The following RNF115 variants were observed in gnomAD, a reference collection of about 807,000 sequenced individuals.
RNF115 encodes ring finger protein 115, also known as E3 ubiquitin-protein ligase RNF115.
In RNF115, 31 loss-of-function variants were observed where a neutral mutation model predicts 39.2. The observed-to-expected ratio is 0.79, with a 90% CI of 0.59 to 1.07. The LOEUF is 1.07. RNF115 is among the 50% of genes least tolerant of loss of function. The probability of loss-of-function intolerance (pLI) is 0.00; values close to 1 mark genes in which losing one functional copy is unlikely to be tolerated. For missense variants in RNF115, 384 were observed against 381.7 expected (o/e 1.01, Z -0.05); for synonymous variants, 124 against 131.0 (o/e 0.95, Z 0.37).
chr1:145,761,928 C>A (rs1553713911), intron 4 of RNF115, among the ~76,000 whole-genome samples: 1 of 152,194 alleles, frequency 6.6e-6, no homozygotes, highest in African/African-American at 2.4e-5. Context: ...GGGAACCCAC[C>A]TTTTGCATCA....
intron 1 of RNF115, among the ~76,000 whole-genome samples, chr1:145,790,116 A>G (rs1210750704): frequency 6.6e-6 from 1 of 152,044 alleles, no homozygotes; most frequent in African/African-American, 2.4e-5. Flanking sequence ...AGTGTCAAAG[A>G]TTTTTTTATT....
chr1:145,776,308 G>C (rs891915230), intron 3 of RNF115, among the ~76,000 whole-genome samples: 1 of 151,408 alleles, frequency 6.6e-6, no homozygotes, highest in Non-Finnish European at 1.5e-5. Context: ...GGGATTACAG[G>C]TGTCTGCCAC....
intron 1 of RNF115, among the ~76,000 whole-genome samples, chr1:145,794,348 T>C (rs1648834016): frequency 6.6e-6 from 1 of 152,062 alleles, no homozygotes; most frequent in Non-Finnish European, 1.5e-5. Context: ...GACAATCTCA[T>C]TGTCACCCCT....
intron 2 of RNF115, among the ~76,000 whole-genome samples, chr1:145,788,401 A>G (rs956800883): frequency 6.6e-6 from 1 of 152,154 alleles, no homozygotes; most frequent in African/African-American, 2.4e-5. Context: ...AATAAGAACA[A>G]GAGATTCAAG....
At chr1:145,812,648 AG>A (rs1649785587) in intron 1 of RNF115, among the ~76,000 whole-genome samples, 1 of 139,820 alleles carries the variant, frequency 7.2e-6, no homozygotes, top group Non-Finnish European at 1.5e-5. Flanking sequence ...TGACAGAGTG[AG>A]GCTTCAGGTC....
At chr1:145,799,470 G>A (rs1649130942) in intron 1 of RNF115, among the ~76,000 whole-genome samples, 1 of 152,080 alleles carries the variant, frequency 6.6e-6, no homozygotes. Context: ...AATTGGCTCT[G>A]GCCAGGACTC....
chr1:145,809,427 C>T (rs868954203), intron 1 of RNF115, among the ~76,000 whole-genome samples: 6 of 150,818 alleles, frequency 4.0e-5, no homozygotes, highest in South Asian at 2.1e-4. Flanking sequence ...GTGATCTGCC[C>T]GCTTCAGCCT....
At chr1:145,795,812 GA>G (rs1268768008) in intron 1 of RNF115, among the ~76,000 whole-genome samples, 2 of 152,170 alleles carry the variant, frequency 1.3e-5, no homozygotes, top group Non-Finnish European at 2.9e-5. Flanking sequence ...TTTCAGGGAA[GA>G]AAAGCCAAAA....
chr1:145,812,318 A>T (rs1376205940), intron 1 of RNF115, among the ~76,000 whole-genome samples: 2 of 150,140 alleles, frequency 1.3e-5, no homozygotes, highest in African/African-American at 4.8e-5. Flanking sequence ...TCAAATTATC[A>T]AGGAGAGAGA....
intron 4 of RNF115, among the ~76,000 whole-genome samples, chr1:145,758,879 ACAATGAATTTT>A (rs782211117): frequency 1.8e-4 from 27 of 152,228 alleles, no homozygotes; most frequent in Non-Finnish European, 1.3e-4. Flanking sequence ...CAGAGTATTT[ACAATGAATTTT>A]GTTTATTAAA....
chr1:145,819,505 C>A (rs1388788486), intron 1 of RNF115, among the ~76,000 whole-genome samples: 3 of 151,798 alleles, frequency 2.0e-5, no homozygotes, highest in East Asian at 1.9e-4. Context: ...CTGGACCAGA[C>A]GGACTCACAG....
chr1:145,764,094 T>A (rs1457396214), intron 4 of RNF115, among the ~76,000 whole-genome samples: 8 of 152,124 alleles, frequency 5.3e-5, no homozygotes, highest in Admixed American at 3.3e-4. Context: ...TCGTATTTTT[T>A]TGGTGGAGAC....
intron 4 of RNF115, among the ~76,000 whole-genome samples, chr1:145,753,439 A>C (rs1333495779): frequency 6.6e-6 from 1 of 152,174 alleles, no homozygotes; most frequent in Non-Finnish European, 1.5e-5. Context: ...TATGTTGTAC[A>C]CATTGGGTTT....
chr1:145,780,618 TAAAAAAAAAA>T (rs1205816224), intron 3 of RNF115, among the ~76,000 whole-genome samples: 1 of 64,526 alleles, frequency 1.5e-5, no homozygotes, highest in African/African-American at 6.0e-5. Context: ...AGACTCCGTC[TAAAAAAAAAA>T]AAAAAAAAAA....
intron 2 of RNF115, among the ~76,000 whole-genome samples, chr1:145,785,421 T>A (rs1189215579): frequency 6.6e-6 from 1 of 152,192 alleles, no homozygotes; most frequent in African/African-American, 2.4e-5. Flanking sequence ...ATTAATCACA[T>A]GTGAAAATGA....
Position 145,771,563 on chromosome 1 carries a change from A to G in RNF115, c.428+148T>C, listed in dbSNP as rs1571734346. The G allele has an allele frequency of 4.7e-6, 3 of 644,836 alleles. No homozygotes were observed. The East Asian group carries it at 8.1e-5, about 18-fold the overall frequency. The allele number at this position is 644,836 out of a possible 1,614,324, so 39.9% of individuals were successfully genotyped here. ...GGTTTATCATCGGGTGAGTACTAAC[A>G]TTCAATTTAGCTTCACTTTCATCCT... On this transcript the variant is annotated intron_variant, in intron 4 of 8. Coordinates refer to ENST00000582693, the MANE Select transcript of RNF115 (RefSeq NM_014455.4).
At chr1:145,801,057 G>C (rs1233472847) in intron 1 of RNF115, among the ~76,000 whole-genome samples, 3 of 152,118 alleles carry the variant, frequency 2.0e-5, no homozygotes, top group Non-Finnish European at 2.9e-5. Context: ...TGTAGTCCCA[G>C]CTACTCAAGA....
chr1:145,790,269 T>G (rs1648601752), intron 1 of RNF115, among the ~76,000 whole-genome samples: 1 of 151,506 alleles, frequency 6.6e-6, no homozygotes, highest in Non-Finnish European at 1.5e-5. Flanking sequence ...GTCTCCCGAG[T>G]AGCTGGGATT....
At position 145,781,555 on chromosome 1, in the gene RNF115, T is replaced by C. The variant is rs77351717; in HGVS notation, c.219+2984A>G. ...TATGAAGTCTTAATAATGGCTAAAA[T>C]GTATCAAGCACTCACTAGATGGTAG... is the stretch of plus-strand genomic sequence containing the variant. On this transcript the variant is annotated intron_variant, in intron 3 of 8. Coordinates refer to ENST00000582693, the MANE Select transcript of RNF115 (RefSeq NM_014455.4). Among the ~76,000 whole-genome samples the C allele has an allele frequency of 6.6e-4, 100 of 152,300 alleles. 2 individuals carry two copies. The East Asian group carries it at 0.018, about 27-fold the overall frequency.
Sources: allele counts gnomAD v4.1 joint callset (sites outside exome capture counted in the v4.1 genomes callset), GRCh38; gene constraint gnomAD v4.1.1; transcripts MANE v1.5; gene names NCBI Gene and HGNC (gene_info 2026-07-23, HGNC 2026-07-21).